Variants in TMEM30B observed in about 807,000 individuals in gnomAD.
The protein encoded by TMEM30B is cell cycle control protein 50B.
Under a neutral mutation model 27.9 loss-of-function variants are expected in TMEM30B, and 25 were observed. That is an observed-to-expected ratio of 0.89 (90% CI 0.65 to 1.25). The LOEUF (loss-of-function observed/expected upper bound fraction) is 1.25. Ranked by LOEUF, TMEM30B falls within the 50% of genes most tolerant of loss-of-function variation. The probability of loss-of-function intolerance (pLI) is 0.00; values close to 1 mark genes in which losing one functional copy is unlikely to be tolerated. For synonymous variants in TMEM30B, 248 were observed against 238.5 expected (o/e 1.04, Z -0.37); for missense variants, 536 against 506.5 (o/e 1.06, Z -0.56).
At position 61,278,003 on chromosome 14, in the gene TMEM30B, A is replaced by G. The variant is rs1453193862; in HGVS notation, c.*2089T>C. On this transcript the variant is annotated 3_prime_UTR_variant, in exon 1 of 1. Coordinates refer to ENST00000555868, the MANE Select transcript of TMEM30B (RefSeq NM_001017970.3). ...CAAAGGTAAGACAAACATAACCTTT[A>G]TTCTCTCTCAAAAACCCAGAGAACA... 6.6e-6 allele frequency: 1 copy of G among 152,250 alleles called. No homozygotes were observed. Among genetic ancestry groups the G allele is most frequent in the South Asian group, 2.1e-4 (1 of 4,836 alleles). The allele number at this position is 152,250 out of a possible 1,614,324, so 9.4% of individuals were successfully genotyped here.
rs766700581 is a variant in TMEM30B at position 61,280,756 on chromosome 14, G to A, written c.392C>T (p.Ala131Val). Residue 131 changes from alanine (A) to valine (V), a missense_variant, in exon 1 of 1, where the codon GCG becomes GTG. By Grantham distance (64) the Ala-to-Val change is moderately conservative. Transcript: ENST00000555868. The surrounding 1 kb of genome is among the most constrained non-coding windows in gnomAD (Gnocchi z 5.0). Reference sequence around the variant, plus strand: ...CGCGCTGGGGAGTCCGCTCAGCTGCGCGTCGTCGCGGGACACGCCGTAGCG... The same window carrying A: ...CGCGCTGGGGAGTCCGCTCAGCTGCACGTCGTCGCGGGACACGCCGTAGCG... ...NRRYGVSRDDAQLSGLPSALR... is the reference protein window; with the variant it reads ...NRRYGVSRDDVQLSGLPSALR... The A allele has an allele frequency of 4.4e-5, 69 of 1,561,046 alleles. No homozygotes were observed. Among genetic ancestry groups the A allele is most frequent in the Non-Finnish European group, 3.5e-5 (41 of 1,161,242 alleles).
chr14:61,279,523 T>C lies in TMEM30B; in HGVS notation c.*569A>G, dbSNP rs2045236861. The C allele has an allele frequency of 6.6e-6, 1 of 152,550 alleles. No individual in the cohort carries two copies. The highest frequency in any genetic ancestry group is 1.5e-5 in the Non-Finnish European group (1 of 68,344). The allele number at this position is 152,550 out of a possible 1,614,324, so 9.4% of individuals were successfully genotyped here. ...CGAGGATCTCATCCCAGCCTTACTG[T>C]GTCTGAATCTCTGTTTGGTGTCTCC... On this transcript the variant is annotated 3_prime_UTR_variant, in exon 1 of 1. Coordinates refer to ENST00000555868, the MANE Select transcript of TMEM30B (RefSeq NM_001017970.3).
Position 61,279,700 on chromosome 14 carries a change from G to T in TMEM30B, c.*392C>A. 5.3e-6 allele frequency: 1 copy of T among 189,828 alleles called. No individual in the cohort carries two copies. The allele number at this position is 189,828 out of a possible 1,614,324, so 11.8% of individuals were successfully genotyped here. ...GTAGTGGCGAAAGCCCTGGACTCAA[G>T]ATTCAGGAGTCACTTGCAGCTGCCT... On this transcript the variant is annotated 3_prime_UTR_variant, in exon 1 of 1. Transcript: ENST00000555868.
chr14:61,279,900 T>C lies in TMEM30B; in HGVS notation c.*192A>G. The C allele has an allele frequency of 1.7e-6, 1 of 596,650 alleles. No individual in the cohort carries two copies. The highest frequency in any genetic ancestry group is 2.8e-5 in the East Asian group (1 of 35,428). 37.0% of individuals were successfully genotyped at this position (596,650 alleles called of 1,614,324 possible). ...AGGATGTTTCACTCTGCAGTCAACA[T>C]CCCTCCCCGCGGCAAGACAGTCTAG... On this transcript the variant is annotated 3_prime_UTR_variant, in exon 1 of 1. Transcript: ENST00000555868.
rs1012603821 is a variant in TMEM30B at position 61,279,343 on chromosome 14, C to G, written c.*749G>C. The G allele has an allele frequency of 6.6e-6, 1 of 152,182 alleles. No individual in the cohort carries two copies. The highest frequency in any genetic ancestry group is 1.5e-5 in the Non-Finnish European group (1 of 68,040). The allele number at this position is 152,182 out of a possible 1,614,324, so 9.4% of individuals were successfully genotyped here. ...TTCAAGGCAGAGTGCCAGACCAAACCTGGAACATCATGGTTGTCACTGCCC... is the reference window on the plus strand; with the variant it reads ...TTCAAGGCAGAGTGCCAGACCAAACGTGGAACATCATGGTTGTCACTGCCC... On this transcript the variant is annotated 3_prime_UTR_variant, in exon 1 of 1. Transcript: ENST00000555868.
In TMEM30B at chr14:61,278,547, T is replaced by A. The variant is rs2045224629; in HGVS notation, c.*1545A>T. On this transcript the variant is annotated 3_prime_UTR_variant, in exon 1 of 1. Coordinates refer to ENST00000555868, the MANE Select transcript of TMEM30B (RefSeq NM_001017970.3). The stretch of plus-strand genomic sequence containing the variant: ...ACTGCTAAAAAGTACTTCAAGATCT[T>A]GCACTGCCTTGAGTGAGTATAATCA... 6.6e-6 allele frequency: 1 copy of A among 152,230 alleles called. No homozygotes were observed. The highest frequency in any genetic ancestry group is 2.4e-5 in the African/African-American group (1 of 41,468). The allele number at this position is 152,230 out of a possible 1,614,324, so 9.4% of individuals were successfully genotyped here.
Position 61,280,275 on chromosome 14 carries a change from G to A in TMEM30B, c.873C>T (p.Tyr291=), listed in dbSNP as rs1268510681. The A allele has an allele frequency of 6.2e-7, 1 of 1,613,922 alleles. No individual in the cohort carries two copies. Among genetic ancestry groups the A allele is most frequent in the East Asian group, 2.2e-5 (1 of 44,878 alleles). ...GAYRVNITYN[Y]PVRAFGGHKL... is the part of the protein sequence containing the mutation. ...TGTGGCCGCCGAACGCGCGCACCGG[G>A]TAGTTGTAGGTGATGTTGACGCGGT... The change falls in exon 1 of 1, where the codon TAC becomes TAT. Residue 291 remains tyrosine (Y), a synonymous_variant. Transcript: ENST00000555868. This position sits in a 1 kb window ranked among gnomAD's most constrained non-coding sequence, Gnocchi z 5.0.
At position 61,278,975 on chromosome 14, in the gene TMEM30B, T is replaced by TCTCACACACA. The variant is rs368741788; in HGVS notation, c.*1116_*1117insTGTGTGTGAG. The stretch of plus-strand genomic sequence containing the variant: ...AAGGTATGAATGAAGCCCTTTCTAA[T>TCTCACACACA]CACACACACACACACACACACACAC... On this transcript the variant is annotated 3_prime_UTR_variant, in exon 1 of 1. Transcript: ENST00000555868. The TCTCACACACA allele has an allele frequency of 2.1e-5, 3 of 140,240 alleles. No homozygotes were observed. The highest frequency in any genetic ancestry group is 7.1e-5 in the Admixed American group (1 of 14,082). The allele number at this position is 140,240 out of a possible 1,614,324, so 8.7% of individuals were successfully genotyped here. A position where few individuals can be genotyped will look rare whatever the true frequency, so the allele number is the denominator to read the frequency against.
Position 61,280,314 on chromosome 14 carries a change from C to T in TMEM30B, c.834G>A (p.Leu278=), listed in dbSNP as rs771672112. 1 of 1,613,876 alleles carries T rather than the reference C, an allele frequency of 6.2e-7. No individual in the cohort carries two copies. The highest frequency in any genetic ancestry group is 8.5e-7 in the Non-Finnish European group (1 of 1,179,970). ...RIRQGNYSAG[L]PRGAYRVNIT... ...TGTTGACGCGGTAGGCGCCCCGCGGCAGCCCGGCCGAGTAGTTGCCCTGGC... is the reference window on the plus strand; with the variant it reads ...TGTTGACGCGGTAGGCGCCCCGCGGTAGCCCGGCCGAGTAGTTGCCCTGGC... The change falls in exon 1 of 1, where the codon CTG becomes CTA. Residue 278 remains leucine, a synonymous_variant. Coordinates refer to ENST00000555868, the MANE Select transcript of TMEM30B (RefSeq NM_001017970.3). This position sits in a 1 kb window ranked among gnomAD's most constrained non-coding sequence, Gnocchi z 5.0.
chr14:61,280,226 A>C lies in TMEM30B; in HGVS notation c.922T>G (p.Ser308Ala), dbSNP rs1252010588. ...GHKLLIFSSI[S>A]WMGGKNPFLG... ...AAGGGGTTCTTGCCACCCATCCACG[A>C]GATGCTGCTGAAGATGAGGAGCTTG... The change falls in exon 1 of 1, where the codon TCG becomes GCG. Residue 308 changes from serine to alanine, a missense_variant. Physicochemically the swap from Ser to Ala is moderately conservative, Grantham distance 99. Transcript: ENST00000555868. The surrounding 1 kb of genome is among the most constrained non-coding windows in gnomAD (Gnocchi z 5.0). The C allele has an allele frequency of 6.2e-7, 1 of 1,613,936 alleles. No individual in the cohort carries two copies. Among genetic ancestry groups the C allele is most frequent in the Non-Finnish European group, 8.5e-7 (1 of 1,180,010 alleles).
Position 61,280,382 on chromosome 14 carries a change from T to C in TMEM30B, c.766A>G (p.Thr256Ala). 6.2e-7 allele frequency: 1 copy of C among 1,613,960 alleles called. No individual in the cohort carries two copies. The highest frequency in any genetic ancestry group is 8.5e-7 in the Non-Finnish European group (1 of 1,179,898). The change falls in exon 1 of 1, where the codon ACG becomes GCG. Residue 256 changes from threonine (T) to alanine (A), a missense_variant. By Grantham distance (58) the Thr-to-Ala change is moderately conservative (BLOSUM62 0). Transcript: ENST00000555868. This position sits in a 1 kb window ranked among gnomAD's most constrained non-coding sequence, Gnocchi z 5.0. The part of the protein sequence containing the change: ...INQDFVVWMR[T>A]AALPTFRKLY... ...TTGCGGAACGTGGGCAGCGCCGCCG[T>C]GCGCATCCACACCACGAAGTCCTGA...
rs1370410511 is a variant in TMEM30B at position 61,277,895 on chromosome 14, C to T, written c.*2197G>A. Reference sequence around the variant, plus strand: ...ATGGTTTTCTTGCTGCAATGTAAATCTGCTATTAAGAAATTAGCAAAGTGG... The same window carrying T: ...ATGGTTTTCTTGCTGCAATGTAAATTTGCTATTAAGAAATTAGCAAAGTGG... On this transcript the variant is annotated 3_prime_UTR_variant, in exon 1 of 1. Coordinates refer to ENST00000555868, the MANE Select transcript of TMEM30B (RefSeq NM_001017970.3). The T allele has an allele frequency of 2.0e-5, 3 of 152,174 alleles. No homozygotes were observed. The highest frequency in any genetic ancestry group is 4.4e-5 in the Non-Finnish European group (3 of 68,030). 9.4% of individuals were successfully genotyped at this position (152,174 alleles called of 1,614,324 possible).
In TMEM30B at chr14:61,279,650, C is replaced by T. The variant is rs1377575241; in HGVS notation, c.*442G>A. On this transcript the variant is annotated 3_prime_UTR_variant, in exon 1 of 1. Coordinates refer to ENST00000555868, the MANE Select transcript of TMEM30B (RefSeq NM_001017970.3). Reference sequence around the variant, plus strand: ...CTCCATTCCAGCCCACTCTCCCCGACCAAAGAAAAGAAAACCACTGTACTG... The same window carrying T: ...CTCCATTCCAGCCCACTCTCCCCGATCAAAGAAAAGAAAACCACTGTACTG... 6.4e-6 allele frequency: 1 copy of T among 156,264 alleles called. No individual in the cohort carries two copies. The highest frequency in any genetic ancestry group is 2.4e-5 in the African/African-American group (1 of 41,534). 9.7% of individuals were successfully genotyped at this position (156,264 alleles called of 1,614,324 possible).
chr14:61,281,211 C>T lies in TMEM30B; in HGVS notation c.-64G>A, dbSNP rs775301534. On this transcript the variant is annotated 5_prime_UTR_variant, in exon 1 of 1. Transcript: ENST00000555868. ...GGGGGCCCCGCCGCGGGGCGCCTCC[C>T]TCTCCGCGCCGCGCAAGCCCGGGGA... 10 of 1,072,918 alleles carry T rather than the reference C, an allele frequency of 9.3e-6. No homozygotes were observed. Among genetic ancestry groups the T allele is most frequent in the Non-Finnish European group, 1.2e-5 (10 of 830,268 alleles). 66.5% of individuals were successfully genotyped at this position (1,072,918 alleles called of 1,614,324 possible).
In TMEM30B at chr14:61,278,988, C is replaced by CACACACACACAA; in HGVS notation, c.*1103_*1104insTTGTGTGTGTGT. 6.6e-6 allele frequency: 1 copy of CACACACACACAA among 151,466 alleles called. No individual in the cohort carries two copies. Among genetic ancestry groups the CACACACACACAA allele is most frequent in the Admixed American group, 6.6e-5 (1 of 15,202 alleles). 9.4% of individuals were successfully genotyped at this position (151,466 alleles called of 1,614,324 possible). A position where few individuals can be genotyped will look rare whatever the true frequency, so the allele number is the denominator to read the frequency against. On this transcript the variant is annotated 3_prime_UTR_variant, in exon 1 of 1. Coordinates refer to ENST00000555868, the MANE Select transcript of TMEM30B (RefSeq NM_001017970.3). Reference sequence around the variant, plus strand: ...AGCCCTTTCTAATCACACACACACACACACACACACACACACACACACACA... The same window carrying CACACACACACAA: ...AGCCCTTTCTAATCACACACACACACACACACACACAAACACACACACACACACACACACACA...
rs1444222064 is a variant in TMEM30B, at chr14:61,278,939, G to A, written c.*1153C>T. The stretch of plus-strand genomic sequence containing the variant: ...AAGATAAAAAAAATTTTTTTTCCAG[G>A]TCCAAGGGAAAAGGTATGAATGAAG... On this transcript the variant is annotated 3_prime_UTR_variant, in exon 1 of 1. Transcript: ENST00000555868. The A allele has an allele frequency of 4.1e-5, 6 of 146,536 alleles. No individual in the cohort carries two copies. The highest frequency in any genetic ancestry group is 1.2e-4 in the African/African-American group (5 of 40,412). The allele number at this position is 146,536 out of a possible 1,614,324, so 9.1% of individuals were successfully genotyped here. A position where few individuals can be genotyped will look rare whatever the true frequency, so the allele number is the denominator to read the frequency against.
chr14:61,280,372 A>G lies in TMEM30B; in HGVS notation c.776T>C (p.Leu259Pro). The G allele has an allele frequency of 6.2e-7, 1 of 1,613,962 alleles. No individual in the cohort carries two copies. Among genetic ancestry groups the G allele is most frequent in the South Asian group, 1.1e-5 (1 of 91,082 alleles). The change falls in exon 1 of 1, where the codon CTG (leucine) becomes CCG (proline). Residue 259 changes from leucine to proline, a missense_variant. Leu to Pro is a moderately conservative substitution (Grantham distance 98). Transcript: ENST00000555868. The surrounding 1 kb of genome is among the most constrained non-coding windows in gnomAD (Gnocchi z 5.0). ...DFVVWMRTAALPTFRKLYARI... is the reference protein window; with the variant it reads ...DFVVWMRTAAPPTFRKLYARI... ...CGCGTACAGTTTGCGGAACGTGGGC[A>G]GCGCCGCCGTGCGCATCCACACCAC...
chr14:61,280,394 C>T lies in TMEM30B; in HGVS notation c.754G>A (p.Val252Met), dbSNP rs1314004810. The change falls in exon 1 of 1, where the codon GTG becomes ATG. Residue 252 changes from valine to methionine, a missense_variant. Coordinates refer to ENST00000555868, the MANE Select transcript of TMEM30B (RefSeq NM_001017970.3). The surrounding 1 kb of genome is among the most constrained non-coding windows in gnomAD (Gnocchi z 5.0). ...NTGFINQDFV[V>M]WMRTAALPTF... is the part of the protein sequence containing the mutation. ...GGCAGCGCCGCCGTGCGCATCCACA[C>T]CACGAAGTCCTGATTGATGAAGCCG... is the stretch of plus-strand genomic sequence containing the variant. 14 of 1,614,030 alleles carry T rather than the reference C, an allele frequency of 8.7e-6. No individual in the cohort carries two copies. Among genetic ancestry groups the T allele is most frequent in the Non-Finnish European group, 1.1e-5 (13 of 1,179,906 alleles).
In TMEM30B at chr14:61,280,578, C is replaced by T; in HGVS notation, c.570G>A (p.Pro190=). 2 of 1,602,080 alleles carry T rather than the reference C, an allele frequency of 1.2e-6. No homozygotes were observed. The highest frequency in any genetic ancestry group is 8.5e-7 in the Non-Finnish European group (1 of 1,174,808). ...RQPGGPYVEV[P]LDRSGIAWWT... is the part of the protein sequence containing the mutation. ...ACCAGGCGATGCCGGAGCGGTCGAG[C>T]GGCACCTCGACGTAGGGCCCGCCGG... Residue 190 remains proline (P), a synonymous_variant, in exon 1 of 1, where the codon CCG becomes CCA. Transcript: ENST00000555868. This position sits in a 1 kb window ranked among gnomAD's most constrained non-coding sequence, Gnocchi z 5.0.
Sources: allele counts gnomAD v4.1 joint callset, GRCh38; gene constraint gnomAD v4.1.1; non-coding constraint Gnocchi (gnomAD v3.1); transcripts MANE v1.5; gene names NCBI Gene and HGNC (gene_info 2026-07-23, HGNC 2026-07-21).